Variants in CYRIA observed in about 807,000 individuals in gnomAD.
CYRIA encodes CYFIP-related Rac1 interactor A.
CYRIA carries 15 observed loss-of-function variants against 43.9 expected under a neutral mutation model. The observed-to-expected ratio is 0.34, with a 90% CI of 0.23 to 0.53. CYRIA has a LOEUF of 0.53. CYRIA is among the 20% of genes least tolerant of loss of function. CYRIA has a pLI of 0.94. For synonymous variants in CYRIA, 117 were observed against 136.0 expected (o/e 0.86, Z 0.97); for missense variants, 236 against 394.2 (o/e 0.60, Z 3.40).
intron 2 of CYRIA, among the ~76,000 whole-genome samples, chr2:16,604,667 G>A (rs894494312): frequency 6.6e-6 from 1 of 152,236 alleles, no homozygotes; most frequent in African/African-American, 2.4e-5. Flanking sequence ...ATAAGCAGCT[G>A]TTTTTCTGGG....
intron 1 of CYRIA, among the ~76,000 whole-genome samples, chr2:16,636,760 C>T (rs887973311): frequency 6.0e-5 from 9 of 150,688 alleles, no homozygotes; most frequent in Non-Finnish European, 8.9e-5. Context: ...GCCTGGGCAA[C>T]GTAGTAAGAT....
intron 3 of CYRIA, among the ~76,000 whole-genome samples, chr2:16,569,763 C>A (rs942165934): frequency 6.6e-6 from 1 of 152,180 alleles, no homozygotes; most frequent in African/African-American, 2.4e-5. Context: ...ATTTTCATCC[C>A]CCAGCTAAAT....
intron 6 of CYRIA, 51 bp downstream of exon 6, chr2:16,561,933 CTAACAGAACAGCTGTAAACAG>C: frequency 6.8e-6 from 10 of 1,461,648 alleles, no homozygotes; most frequent in Non-Finnish European, 9.3e-6. Flanking sequence ...CCCCACAGCA[CTAACAGAACAGCTGTAAACAG>C]TAGGTACTCA....
rs1240217450 is a variant in CYRIA at position 16,563,531 on chromosome 2, A to G, written c.298+458T>C. 2.0e-5 allele frequency among the ~76,000 whole-genome samples: 3 copies of G among 152,190 alleles called. No individual in the cohort carries two copies. In the East Asian group the frequency reaches 5.8e-4, roughly 29 times the overall value. ...AGATTTGGCATTACTCAACATCTAC[A>G]AAGCCATCCTGTACTTGCACAGTTT... On this transcript the variant is annotated intron_variant, in intron 5 of 11. Coordinates refer to ENST00000381323, the MANE Select transcript of CYRIA (RefSeq NM_030797.4).
At chr2:16,557,448 C>G (rs1413195370) in intron 10 of CYRIA, among the ~76,000 whole-genome samples, 2 of 152,074 alleles carry the variant, frequency 1.3e-5, no homozygotes, top group Non-Finnish European at 2.9e-5. Context: ...GGGGTTTTCA[C>G]AGTTGATGCT....
chr2:16,633,969 G>A (rs950378016), intron 1 of CYRIA, among the ~76,000 whole-genome samples: 15 of 152,084 alleles, frequency 9.9e-5, no homozygotes, highest in African/African-American at 1.7e-4. Flanking sequence ...AACCTGGATC[G>A]CTGAATAACT....
chr2:16,583,912 C>T (rs1040814941), intron 3 of CYRIA, among the ~76,000 whole-genome samples: 2 of 152,158 alleles, frequency 1.3e-5, no homozygotes, highest in Non-Finnish European at 2.9e-5. Flanking sequence ...AACAGGAATA[C>T]CTAAGGACAG....
chr2:16,644,721 T>G (rs1051994735), intron 1 of CYRIA, among the ~76,000 whole-genome samples: 18 of 152,224 alleles, frequency 1.2e-4, no homozygotes, highest in African/African-American at 4.1e-4. Flanking sequence ...GATAACCACA[T>G]GGAAGATGAT....
intron 1 of CYRIA, among the ~76,000 whole-genome samples, chr2:16,624,556 C>A (rs1003324255): frequency 6.6e-6 from 1 of 152,160 alleles, no homozygotes; most frequent in Non-Finnish European, 1.5e-5. Flanking sequence ...CACAGTGACA[C>A]AGTGGGGAGT....
intron 1 of CYRIA, among the ~76,000 whole-genome samples, chr2:16,628,637 A>C (rs1016967830): frequency 6.6e-6 from 1 of 152,222 alleles, no homozygotes; most frequent in South Asian, 2.1e-4. Flanking sequence ...GGGCCCTTTT[A>C]ATAATATTGC....
intron 2 of CYRIA, among the ~76,000 whole-genome samples, chr2:16,590,371 T>C (rs1457531971): frequency 6.6e-6 from 1 of 152,152 alleles, no homozygotes; most frequent in Admixed American, 6.6e-5. Flanking sequence ...AGTCACTTCT[T>C]GTAGGAAGAT....
intron 5 of CYRIA, among the ~76,000 whole-genome samples, chr2:16,563,140 A>C (rs1558403069): frequency 6.6e-6 from 1 of 152,134 alleles, no homozygotes; most frequent in Non-Finnish European, 1.5e-5. Flanking sequence ...TTGAGCAAAA[A>C]TTTGGCTCCT....
In CYRIA at chr2:16,650,335, G is replaced by A. The variant is rs1669939847; in HGVS notation, c.-167+15445C>T. ...ATGGCCCAGAAATCAACCAAAAAGA[G>A]GAGCAAAGCTATATACTCAGCTGAA... On this transcript the variant is annotated intron_variant, in intron 1 of 11. Transcript: ENST00000381323. This position sits in a 1 kb window ranked among gnomAD's most constrained non-coding sequence, Gnocchi z 4.1. 1.3e-5 allele frequency among the ~76,000 whole-genome samples: 2 copies of A among 152,160 alleles called. No individual in the cohort carries two copies. Among genetic ancestry groups the A allele is most frequent in the Non-Finnish European group, 2.9e-5 (2 of 68,032 alleles).
At chr2:16,556,142 G>A (rs958964516) in intron 10 of CYRIA, among the ~76,000 whole-genome samples, 4 of 152,076 alleles carry the variant, frequency 2.6e-5, no homozygotes, top group Non-Finnish European at 4.4e-5. Flanking sequence ...ACAGCCCTTA[G>A]AAACATTTTC....
chr2:16,644,907 G>A (rs1669777768), intron 1 of CYRIA, among the ~76,000 whole-genome samples: 1 of 152,186 alleles, frequency 6.6e-6, no homozygotes, highest in South Asian at 2.1e-4. Context: ...ATAGCAGACG[G>A]CAGCTGATTG....
intron 11 of CYRIA, among the ~76,000 whole-genome samples, chr2:16,554,401 A>C (rs1666428324): frequency 1.3e-5 from 2 of 152,174 alleles, no homozygotes; most frequent in Admixed American, 6.5e-5. Flanking sequence ...TGGATTAAGC[A>C]CATGCATCCC....
chr2:16,649,099 G>T (rs78640335), intron 1 of CYRIA, among the ~76,000 whole-genome samples: 4,167 of 152,026 alleles, frequency 0.027, 203 homozygotes, highest in African/African-American at 0.095. Context: ...CAACAATAAA[G>T]CATAATGAAA....
intron 3 of CYRIA, among the ~76,000 whole-genome samples, chr2:16,577,793 G>T (rs1667403198): frequency 6.6e-6 from 1 of 152,192 alleles, no homozygotes; most frequent in South Asian, 2.1e-4. Flanking sequence ...AAGGAAAAAA[G>T]ATTTTAAGAC....
chr2:16,600,052 G>A (rs1054085356), intron 2 of CYRIA, among the ~76,000 whole-genome samples: 18 of 152,126 alleles, frequency 1.2e-4, no homozygotes, highest in Admixed American at 5.9e-4. Context: ...CATCGTGCCT[G>A]GCCAGATTTT....
Sources: allele counts gnomAD v4.1 joint callset (sites outside exome capture counted in the v4.1 genomes callset), GRCh38; gene constraint gnomAD v4.1.1; non-coding constraint Gnocchi (gnomAD v3.1); transcripts MANE v1.5; gene names NCBI Gene and HGNC (gene_info 2026-07-23, HGNC 2026-07-21).